The following RIGI variants were observed in gnomAD, a reference collection of about 807,000 sequenced individuals.
RIGI encodes the protein RNA sensor RIG-I, also known as antiviral innate immune response receptor RIG-I.
At chr9:32,525,923 TA>T in the RIGI span, 1 of 743,218 alleles carries the variant, frequency 1.3e-6, no homozygotes. Flanking sequence ...ACCTCTAGCC[TA>T]AAATGCTGCG....
the RIGI span, among the ~76,000 whole-genome samples, chr9:32,499,424 C>T: frequency 4.2e-5 from 6 of 143,818 alleles, no homozygotes; most frequent in Non-Finnish European, 7.5e-5. Flanking sequence ...TAAAAGTTAG[C>T]GTTTGTTTTT....
chr9:32,473,411 C>T, the RIGI span, among the ~76,000 whole-genome samples: 10 of 151,688 alleles, frequency 6.6e-5, no homozygotes, highest in African/African-American at 1.9e-4. Context: ...CTCAGCCTCC[C>T]GAGTAGCTGG....
the RIGI span, among the ~76,000 whole-genome samples, chr9:32,482,128 T>A: frequency 1.3e-5 from 2 of 152,086 alleles, no homozygotes; most frequent in African/African-American, 4.8e-5. Flanking sequence ...CAAACTGTTC[T>A]CCCTACCTCT....
chr9:32,498,514 T>C, the RIGI span, among the ~76,000 whole-genome samples: 1 of 152,142 alleles, frequency 6.6e-6, no homozygotes, highest in Non-Finnish European at 1.5e-5. Flanking sequence ...AAAGCTCTCC[T>C]TTCCAAATTT....
the RIGI span, among the ~76,000 whole-genome samples, chr9:32,485,717 T>G: frequency 7.2e-5 from 11 of 152,096 alleles, no homozygotes; most frequent in African/African-American, 2.4e-4. Flanking sequence ...ATTTTTGTAT[T>G]TTTAGTAGAG....
At chr9:32,487,569 T>C in the RIGI span, 78 of 1,614,198 alleles carry the variant, frequency 4.8e-5, no homozygotes, top group African/African-American at 7.2e-4. Flanking sequence ...CTTGCAGATA[T>C]AATCCAAGGC....
the RIGI span, among the ~76,000 whole-genome samples, chr9:32,506,411 CCAAA>C: frequency 2.0e-4 from 30 of 152,300 alleles, 1 homozygote; most frequent in East Asian, 3.9e-3. Context: ...CAAAAACAGA[CCAAA>C]CAAACAAACT....
chr9:32,520,486 A>G, the RIGI span, among the ~76,000 whole-genome samples: 1 of 152,182 alleles, frequency 6.6e-6, no homozygotes, highest in African/African-American at 2.4e-5. Context: ...AATCTTGAGC[A>G]CTGACACCAA....
chr9:32,503,934 C>T, the RIGI span, among the ~76,000 whole-genome samples: 3 of 151,836 alleles, frequency 2.0e-5, no homozygotes, highest in Admixed American at 6.6e-5. Flanking sequence ...CCCAGCTACT[C>T]GGGAGGCTGA....
chr9:32,466,342 T>G, the RIGI span: 4 of 1,613,998 alleles, frequency 2.5e-6, no homozygotes, highest in South Asian at 4.4e-5. Context: ...AATAGAGTCA[T>G]TCATCATTTT....
the RIGI span, among the ~76,000 whole-genome samples, chr9:32,521,596 A>T: frequency 6.6e-6 from 1 of 152,176 alleles, no homozygotes; most frequent in Non-Finnish European, 1.5e-5. Context: ...TTTAACCTCA[A>T]ACTAACTTTT....
At chr9:32,493,954 G>GA in the RIGI span, 306 of 1,545,636 alleles carry the variant, frequency 2.0e-4, 3 homozygotes, top group African/African-American at 2.5e-3. Flanking sequence ...TGAAAAAAAA[G>GA]AAAAAAAATG....
the RIGI span, chr9:32,481,583 T>A: frequency 6.2e-6 from 6 of 974,968 alleles, no homozygotes; most frequent in Non-Finnish European, 8.8e-6. Flanking sequence ...TCTAATTTTC[T>A]TTTTCTTTTT....
chr9:32,461,568 A>G, the RIGI span, among the ~76,000 whole-genome samples: 7 of 152,352 alleles, frequency 4.6e-5, no homozygotes, highest in East Asian at 1.3e-3. Flanking sequence ...AAAATGGGAC[A>G]ATAGCATCTG....
the RIGI span, among the ~76,000 whole-genome samples, chr9:32,467,232 G>T: frequency 1.3e-5 from 2 of 151,764 alleles, no homozygotes; most frequent in East Asian, 3.8e-4. Flanking sequence ...GTTGGATTTT[G>T]GAAACTCTTT....
At chr9:32,511,922 A>G in the RIGI span, among the ~76,000 whole-genome samples, 1 of 152,228 alleles carries the variant, frequency 6.6e-6, no homozygotes, top group African/African-American at 2.4e-5. Flanking sequence ...CCACAGAAAT[A>G]CAAACTACCA....
At chr9:32,471,100 A>T in the RIGI span, among the ~76,000 whole-genome samples, 2 of 152,262 alleles carry the variant, frequency 1.3e-5, no homozygotes, top group African/African-American at 4.8e-5. Context: ...CCTACTAAAA[A>T]TACAAAAATT....
At chr9:32,500,817 G>C in the RIGI span, 1 of 1,614,050 alleles carries the variant, frequency 6.2e-7, no homozygotes, top group South Asian at 1.1e-5. Context: ...GCATGGTCTA[G>C]GGCATCCAAA....
At chr9:32,516,710 C>A in the RIGI span, among the ~76,000 whole-genome samples, 1 of 152,094 alleles carries the variant, frequency 6.6e-6, no homozygotes, top group Non-Finnish European at 1.5e-5. Context: ...AGGGAAGCAC[C>A]CTGACTCTCA....
Sources: gnomAD v4.1 joint callset for allele counts (sites outside exome capture counted in the v4.1 genomes callset) on GRCh38, gnomAD v4.1.1 for gene constraint, MANE v1.5 for transcripts, NCBI Gene and HGNC (gene_info 2026-07-23, HGNC 2026-07-21) for gene names.